The following CEP192 variants were observed in gnomAD, a reference collection of about 807,000 sequenced individuals.
CEP192 encodes the protein centrosomal protein of 192 kDa.
In CEP192, 151 loss-of-function variants were observed where a neutral mutation model predicts 271.8. That is an observed-to-expected ratio of 0.56 (90% confidence interval 0.49 to 0.64). CEP192 has a LOEUF of 0.64. CEP192 is among the 30% of genes least tolerant of loss of function. The probability of loss-of-function intolerance (pLI) is 0.00; values close to 1 mark genes in which losing one functional copy is unlikely to be tolerated. For missense variants in CEP192, 2,910 were observed against 3,020.5 expected, an observed-to-expected ratio of 0.96 and a Z score of 0.86; for synonymous variants, 995 against 1,076.5, an observed-to-expected ratio of 0.92 and a Z score of 1.48.
chr18:13,090,718 CCTTGGA>C (rs1269617398), intron 33 of CEP192, among the ~76,000 whole-genome samples: 1 of 152,098 alleles, frequency 6.6e-6, no homozygotes, highest in African/African-American at 2.4e-5. Flanking sequence ...AGGAAAAAAA[CCTTGGA>C]CTTGGAGTTG....
In CEP192 at chr18:13,018,562, A is replaced by AAAC; in HGVS notation, c.876_878dup (p.Thr293dup). ...ATTTCCCTCGACTCACACTCTTCTG[A>AAAC]AACAACTCACAAAGAGTCTGAGGAA... is the stretch of plus-strand genomic sequence containing the variant. On this transcript the variant is annotated inframe_insertion, in exon 8 of 45. Transcript: ENST00000506447. 6.5e-7 allele frequency: 1 copy of AAAC among 1,542,616 alleles called. No individual in the cohort carries two copies. The highest frequency in any genetic ancestry group is 8.8e-7 in the Non-Finnish European group (1 of 1,140,438).
chr18:13,073,498 T>A (rs1057212879), intron 30 of CEP192, among the ~76,000 whole-genome samples: 1 of 152,252 alleles, frequency 6.6e-6, no homozygotes, highest in Non-Finnish European at 1.5e-5. Flanking sequence ...GTTTAAGATA[T>A]TAACTTTCCC....
At chr18:12,995,597 C>T (rs2033177447) in intron 1 of CEP192, among the ~76,000 whole-genome samples, 1 of 152,156 alleles carries the variant, frequency 6.6e-6, no homozygotes, top group Non-Finnish European at 1.5e-5. Context: ...ACCAAATGGG[C>T]AAAGTTCCTG....
At chr18:13,036,434 C>T (rs988716831) in intron 11 of CEP192, among the ~76,000 whole-genome samples, 2 of 152,242 alleles carry the variant, frequency 1.3e-5, no homozygotes, top group Admixed American at 6.5e-5. Flanking sequence ...CCCTCTGGCT[C>T]ACCATTCACT....
At chr18:13,096,849 C>T (rs1303725395) in intron 36 of CEP192, among the ~76,000 whole-genome samples, 2 of 152,118 alleles carry the variant, frequency 1.3e-5, no homozygotes, top group Non-Finnish European at 2.9e-5. Context: ...TGGGGCCGGC[C>T]ATTTATACAC....
rs373669748 is a variant in CEP192, at chr18:13,116,478, G to A, written c.7391G>A (p.Arg2464Gln). 1.9e-5 allele frequency: 31 copies of A among 1,607,666 alleles called. No homozygotes were observed. The highest frequency in any genetic ancestry group is 3.4e-5 in the South Asian group (3 of 89,258). ...GESRTLKVNL[R>Q]NNSFITHSLK... ...TCACGGACACTTAAAGTCAATCTGCGAAATAATTCTTTTATTACACACTCA... is the reference window on the plus strand; with the variant it reads ...TCACGGACACTTAAAGTCAATCTGCAAAATAATTCTTTTATTACACACTCA... Residue 2464 changes from arginine to glutamine, a missense_variant, in exon 43 of 45, where the codon CGA becomes CAA. Transcript: ENST00000506447.
chr18:13,086,929 A>G, intron 30 of CEP192, 88 bp from the exon 31 acceptor site: 1 of 923,678 alleles, frequency 1.1e-6, no homozygotes, highest in East Asian at 2.5e-5. Flanking sequence ...ATTGTATTAA[A>G]TCTTTCTGAA....
At chr18:13,064,694 T>C (rs890082428) in intron 21 of CEP192, among the ~76,000 whole-genome samples, 2 of 152,028 alleles carry the variant, frequency 1.3e-5, no homozygotes, top group Admixed American at 1.3e-4. Flanking sequence ...GGTCTGTGTA[T>C]CTGGTTTTAT....
At chr18:13,000,931 C>T (rs572357352) in intron 2 of CEP192, among the ~76,000 whole-genome samples, 3 of 152,290 alleles carry the variant, frequency 2.0e-5, no homozygotes, top group Admixed American at 6.5e-5. Context: ...CCAGCCTGGA[C>T]GACAGAGGGA....
chr18:13,001,225 A>G lies in CEP192; in HGVS notation c.165-232A>G, dbSNP rs1253977209. ...CTGAAGGGGTTGTATTAACACTCTC[A>G]GCTCTTTTAGCTTTAAGATTTTTGT... is the stretch of plus-strand genomic sequence containing the variant. On this transcript the variant is annotated intron_variant, in intron 2 of 44. Coordinates refer to ENST00000506447, the MANE Select transcript of CEP192 (RefSeq NM_032142.4). Among the ~76,000 whole-genome samples the G allele has an allele frequency of 2.6e-5, 4 of 152,306 alleles. No homozygotes were observed. In the South Asian group the frequency reaches 8.3e-4, roughly 32 times the overall value.
intron 13 of CEP192, 150 bp downstream of exon 13, chr18:13,038,729 C>T: frequency 1.5e-6 from 1 of 648,410 alleles, no homozygotes; most frequent in South Asian, 1.9e-5. Flanking sequence ...CAGACCTTTA[C>T]TGCAGTTCTA....
At chr18:13,046,918 A>G (rs184001358) in intron 15 of CEP192, among the ~76,000 whole-genome samples, 1 of 137,282 alleles carries the variant, frequency 7.3e-6, no homozygotes, top group Non-Finnish European at 1.5e-5. Context: ...GTTACTCTTG[A>G]TATGTATTTT....
chr18:13,121,169 C>T (rs1409452139), intron 44 of CEP192, among the ~76,000 whole-genome samples: 1 of 152,208 alleles, frequency 6.6e-6, no homozygotes. Flanking sequence ...CTTGCCTTGG[C>T]AGTGCAACAA....
At chr18:13,002,658 A>G (rs2033726021) in intron 3 of CEP192, among the ~76,000 whole-genome samples, 1 of 152,184 alleles carries the variant, frequency 6.6e-6, no homozygotes, top group Non-Finnish European at 1.5e-5. Context: ...TGATGGTGCT[A>G]TTTTTAATCT....
chr18:13,040,748 T>C (rs923839490), intron 13 of CEP192, 82 bp from the exon 14 acceptor site: 2 of 1,115,838 alleles, frequency 1.8e-6, no homozygotes, highest in African/African-American at 3.2e-5. Flanking sequence ...TTAGCTGTTT[T>C]ACCACTATTA....
chr18:13,118,043 A>G (rs564961853), intron 44 of CEP192, among the ~76,000 whole-genome samples: 1 of 152,344 alleles, frequency 6.6e-6, no homozygotes, highest in African/African-American at 2.4e-5. Flanking sequence ...TTCCGAGTTA[A>G]TTGGGAAAAC....
At chr18:13,029,317 A>G (rs2035482147) in intron 9 of CEP192, among the ~76,000 whole-genome samples, 1 of 152,236 alleles carries the variant, frequency 6.6e-6, no homozygotes. Context: ...TCACACTAAT[A>G]GGCTTACCAT....
Position 13,068,927 on chromosome 18 carries a change from T to C in CEP192, c.4898T>C (p.Leu1633Pro). ...GACAGCCCAAACCCTACGCCCGTTCTTAGAAGTGTGAGTCTCCGAGCAAGA... is the reference window on the plus strand; with the variant it reads ...GACAGCCCAAACCCTACGCCCGTTCCTAGAAGTGTGAGTCTCCGAGCAAGA... ...EVDSPNPTPVLRSVSLRARAG... is the reference protein window; with the variant it reads ...EVDSPNPTPVPRSVSLRARAG... The change falls in exon 25 of 45, where the codon CTT (leucine) becomes CCT (proline). Residue 1633 changes from leucine to proline, a missense_variant. By Grantham distance (98) the Leu-to-Pro change is moderately conservative. Transcript: ENST00000506447. 6.2e-7 allele frequency: 1 copy of C among 1,614,198 alleles called. No individual in the cohort carries two copies. The highest frequency in any genetic ancestry group is 8.5e-7 in the Non-Finnish European group (1 of 1,180,020).
Position 13,038,545 on chromosome 18 carries a change from T to C in CEP192, c.1775T>C (p.Leu592Pro). The change falls in exon 13 of 45, where the codon CTT becomes CCT. Residue 592 changes from leucine (L) to proline (P), a missense_variant. Physicochemically the swap from Leu to Pro is moderately conservative, Grantham distance 98. Transcript: ENST00000506447. ...GEFFAQRSEALGCLGGGNNVK... is the reference protein window; with the variant it reads ...GEFFAQRSEAPGCLGGGNNVK... ...TTCTTTGCTCAAAGATCTGAAGCTC[T>C]TGGTTGCCTTGGTGGTGGTAACAAT... 1 of 1,551,672 alleles carries C rather than the reference T, an allele frequency of 6.4e-7. No individual in the cohort carries two copies. Among genetic ancestry groups the C allele is most frequent in the Non-Finnish European group, 8.7e-7 (1 of 1,146,964 alleles).
Sources: gnomAD v4.1 joint callset for allele counts (sites outside exome capture counted in the v4.1 genomes callset) on GRCh38, gnomAD v4.1.1 for gene constraint, MANE v1.5 for transcripts, NCBI Gene and HGNC (gene_info 2026-07-23, HGNC 2026-07-21) for gene names.